The following BST1 variants were observed in gnomAD, a reference collection of about 807,000 sequenced individuals.
BST1 encodes bone marrow stromal cell antigen 1.
In BST1, 49 loss-of-function variants were observed where a neutral mutation model predicts 40.6. The observed-to-expected ratio is 1.21, with a 90% CI of 0.96 to 1.53. BST1 has a LOEUF of 1.53. Ranked by LOEUF, BST1 falls within the 40% of genes most tolerant of loss-of-function variation. BST1 has a pLI of 0.00. For missense variants in BST1, 423 were observed against 395.9 expected, an observed-to-expected ratio of 1.07 and a Z score of -0.58; for synonymous variants, 157 against 159.3, an observed-to-expected ratio of 0.99 and a Z score of 0.11.
chr4:15,729,520 TTAAG>T (rs531997291), intron 8 of BST1, among the ~76,000 whole-genome samples: 14 of 152,288 alleles, frequency 9.2e-5, no homozygotes, highest in South Asian at 4.1e-4. Flanking sequence ...ATCACAGGAA[TTAAG>T]TAAGTGTGAC....
chr4:15,726,856 A>G (rs1353812301), intron 8 of BST1, among the ~76,000 whole-genome samples: 4 of 147,012 alleles, frequency 2.7e-5, no homozygotes, highest in Non-Finnish European at 5.9e-5. Flanking sequence ...AGCTCTTCTC[A>G]CTTTTCCTCG....
chr4:15,733,783 C>T (rs555334666), downstream of BST1, among the ~76,000 whole-genome samples: 43 of 152,246 alleles, frequency 2.8e-4, no homozygotes, highest in African/African-American at 1.0e-3. Context: ...AAACCACCTC[C>T]GTGATCCAAT....
chr4:15,723,219 G>C (rs1020931318), intron 8 of BST1, among the ~76,000 whole-genome samples: 2 of 152,154 alleles, frequency 1.3e-5, no homozygotes, highest in African/African-American at 4.8e-5. Context: ...AGTGGCTGTA[G>C]AGCAATCTGT....
chr4:15,730,680 G>A (rs16892289), intron 8 of BST1, among the ~76,000 whole-genome samples: 22 of 152,136 alleles, frequency 1.4e-4, no homozygotes, highest in African/African-American at 5.3e-4. Flanking sequence ...GCTCAGGAAA[G>A]AATGTCTTGA....
At chr4:15,709,887 A>G (rs1720097194) in intron 3 of BST1, among the ~76,000 whole-genome samples, 1 of 152,196 alleles carries the variant, frequency 6.6e-6, no homozygotes, top group Non-Finnish European at 1.5e-5. Flanking sequence ...ATGTAAATAA[A>G]CACAGAAAAA....
intron 8 of BST1, among the ~76,000 whole-genome samples, chr4:15,728,449 CT>C (rs974237825): frequency 0.051 from 6,036 of 119,514 alleles, 145 homozygotes; most frequent in East Asian, 0.23. Context: ...AATTCTTTTT[CT>C]TTTTTTTTTT....
downstream of BST1, among the ~76,000 whole-genome samples, chr4:15,733,498 C>G (rs1436818243): frequency 6.6e-6 from 1 of 152,216 alleles, no homozygotes; most frequent in East Asian, 1.9e-4. Flanking sequence ...CATTTACAAT[C>G]CTTTAGCTAG....
chr4:15,752,435 C>T, the BST1 span, among the ~76,000 whole-genome samples: 33 of 151,374 alleles, frequency 2.2e-4, no homozygotes, highest in Non-Finnish European at 3.8e-4. Context: ...ATTGCCCAGG[C>T]TGGAGTGCAA....
At chr4:15,729,978 A>T (rs1173823753) in intron 8 of BST1, among the ~76,000 whole-genome samples, 10 of 152,250 alleles carry the variant, frequency 6.6e-5, no homozygotes, top group East Asian at 3.8e-4. Flanking sequence ...TTTATTTTTT[A>T]AAAAAGTAAA....
chr4:15,731,079 A>C (rs1359223787), intron 8 of BST1: 1 of 475,096 alleles, frequency 2.1e-6, no homozygotes. Flanking sequence ...CAGGCAGGTG[A>C]CTGTTACACA....
At chr4:15,734,204 G>C (rs1375079662), downstream of BST1, among the ~76,000 whole-genome samples, 2 of 152,172 alleles carry the variant, frequency 1.3e-5, no homozygotes, top group Admixed American at 1.3e-4. Flanking sequence ...CTAGAAGGAG[G>C]CGCTGACTGC....
chr4:15,707,408 T>G, intron 2 of BST1, 103 bp from the exon 3 acceptor site: 1 of 1,364,288 alleles, frequency 7.3e-7, no homozygotes, highest in Non-Finnish European at 1.0e-6. Flanking sequence ...CAGGTCAGAG[T>G]TGAATGAGAA....
At chr4:15,765,387 T>C in the BST1 span, among the ~76,000 whole-genome samples, 2 of 151,960 alleles carry the variant, frequency 1.3e-5, no homozygotes, top group Non-Finnish European at 2.9e-5. Context: ...CACCATCATC[T>C]CTTGTCAGGA....
chr4:15,708,440 C>T (rs537026656), intron 3 of BST1, among the ~76,000 whole-genome samples: 132 of 152,060 alleles, frequency 8.7e-4, no homozygotes, highest in African/African-American at 2.8e-3. Context: ...AAATGGTGTT[C>T]GAGGAGTAGC....
chr4:15,732,219 TTG>T lies in BST1; in HGVS notation c.*375_*376del, dbSNP rs1721403906. The T allele has an allele frequency of 1.2e-5, 9 of 733,374 alleles. No individual in the cohort carries two copies. Among genetic ancestry groups the T allele is most frequent in the Non-Finnish European group, 1.5e-5 (9 of 587,180 alleles). 45.4% of individuals were successfully genotyped at this position (733,374 alleles called of 1,614,324 possible). A position where few individuals can be genotyped will look rare whatever the true frequency, so the allele number is the denominator to read the frequency against. On this transcript the variant is annotated 3_prime_UTR_variant, in exon 9 of 9. Coordinates refer to ENST00000265016, the MANE Select transcript of BST1 (RefSeq NM_004334.3). ...CAGCAGCACGGACACTGCATGCTTGTTGATTGCTTAAGACATATGTATACTAT... is the reference window on the plus strand; with the variant it reads ...CAGCAGCACGGACACTGCATGCTTGTATTGCTTAAGACATATGTATACTAT...
At chr4:15,754,079 G>A in the BST1 span, among the ~76,000 whole-genome samples, 15 of 152,090 alleles carry the variant, frequency 9.9e-5, no homozygotes, top group African/African-American at 2.4e-4. Flanking sequence ...AAGGCCAAGT[G>A]GGGGGGTGTG....
At chr4:15,761,129 C>A in the BST1 span, among the ~76,000 whole-genome samples, 2 of 151,930 alleles carry the variant, frequency 1.3e-5, no homozygotes, top group African/African-American at 2.4e-5. Context: ...ACCTCAACCC[C>A]CGCCTCCCGG....
At chr4:15,734,206 G>A (rs765011593), downstream of BST1, among the ~76,000 whole-genome samples, 12 of 152,166 alleles carry the variant, frequency 7.9e-5, no homozygotes, top group East Asian at 1.9e-4. Context: ...AGAAGGAGGC[G>A]CTGACTGCAA....
intron 8 of BST1, among the ~76,000 whole-genome samples, chr4:15,728,488 G>C (rs1721226286): frequency 8.2e-6 from 1 of 121,518 alleles, no homozygotes; most frequent in African/African-American, 3.3e-5. Flanking sequence ...TTATCGCTCT[G>C]TCACCCAGGC....
Sources: allele counts gnomAD v4.1 joint callset (sites outside exome capture counted in the v4.1 genomes callset), GRCh38; gene constraint gnomAD v4.1.1; transcripts MANE v1.5; gene names NCBI Gene and HGNC (gene_info 2026-07-23, HGNC 2026-07-21).